The following CDC42BPA variants were observed in gnomAD, a reference collection of about 807,000 sequenced individuals.
The protein encoded by CDC42BPA is serine/threonine-protein kinase MRCK alpha.
A neutral mutation model predicts 223.5 loss-of-function variants in CDC42BPA; 80 were observed. That is an observed-to-expected ratio of 0.36 (90% CI 0.30 to 0.43). The LOEUF (loss-of-function observed/expected upper bound fraction) is 0.43, where lower values mean the gene tolerates loss of function less well. CDC42BPA is among the 20% of genes least tolerant of loss of function. CDC42BPA has a pLI of 1.00. For missense variants in CDC42BPA, 1,743 were observed against 2,099.9 expected (o/e 0.83, Z 3.32); for synonymous variants, 694 against 718.6 (o/e 0.97, Z 0.55).
rs547245325 is a variant in CDC42BPA at position 227,096,001 on chromosome 1, A to G, written c.2250-4010T>C. Among the ~76,000 whole-genome samples the G allele has an allele frequency of 9.2e-5, 14 of 152,342 alleles. No individual in the cohort carries two copies. In the South Asian group the frequency reaches 2.9e-3, roughly 32 times the overall value. On this transcript the variant is annotated intron_variant, in intron 15 of 36. Coordinates refer to ENST00000366766, the MANE Select transcript of CDC42BPA (RefSeq NM_001394014.1). ...CAATAAATGAAATTCCATGTGGATC[A>G]GTTCTGGGTAATTTTATATGATTGC...
intron 1 of CDC42BPA, among the ~76,000 whole-genome samples, chr1:227,280,347 C>T (rs950920715): frequency 6.6e-6 from 1 of 152,052 alleles, no homozygotes; most frequent in African/African-American, 2.4e-5. Flanking sequence ...CTCAAACAGT[C>T]CCTTTTGTTT....
In CDC42BPA at chr1:227,101,194, G is replaced by C. The variant is rs1249962663; in HGVS notation, c.2047C>G (p.Gln683Glu). The C allele has an allele frequency of 2.5e-6, 4 of 1,603,718 alleles. No homozygotes were observed. The Admixed American group carries it at 5.0e-5, about 20-fold the overall frequency. Residue 683 changes from glutamine (Q) to glutamate (E), a missense_variant, in exon 15 of 37, where the codon CAG becomes GAG. Physicochemically the swap from Gln to Glu is conservative, Grantham distance 29. This residue lies in a region of CDC42BPA where 464 missense variants were observed against 488.0 expected (regional missense o/e 0.95). Coordinates refer to ENST00000366766, the MANE Select transcript of CDC42BPA (RefSeq NM_001394014.1). ...GTCTTTAGTTTGGTTATCTCTTGCT[G>C]ATGTTCTATGCTGCATACTCCTGGT... ...YSPGVCSIEHQQEITKLKTDL... is the reference protein window; with the variant it reads ...YSPGVCSIEHEQEITKLKTDL...
chr1:227,122,941 TAC>T (rs1688914264), intron 11 of CDC42BPA, among the ~76,000 whole-genome samples: 2 of 152,182 alleles, frequency 1.3e-5, no homozygotes, highest in Admixed American at 6.5e-5. Flanking sequence ...CTATTATAAA[TAC>T]CCAACACAAT....
intron 21 of CDC42BPA, chr1:227,068,411 A>T (rs1677549984): frequency 6.3e-6 from 1 of 159,388 alleles, no homozygotes; most frequent in African/African-American, 2.4e-5. Context: ...ATTCTTACAA[A>T]GACTGAAAAT....
At chr1:227,067,748 T>C (rs1677395796) in intron 21 of CDC42BPA, among the ~76,000 whole-genome samples, 1 of 152,146 alleles carries the variant, frequency 6.6e-6, no homozygotes, top group Admixed American at 6.5e-5. Flanking sequence ...AGAAGTTCCT[T>C]TAGCAGAACA....
At chr1:227,021,837 G>A (rs1197573632) in intron 32 of CDC42BPA, among the ~76,000 whole-genome samples, 1 of 152,004 alleles carries the variant, frequency 6.6e-6, no homozygotes, top group Non-Finnish European at 1.5e-5. Context: ...GGCCAACATG[G>A]TGAAACCCCG....
At chr1:227,092,784 C>T (rs1034865092) in intron 15 of CDC42BPA, among the ~76,000 whole-genome samples, 2 of 152,126 alleles carry the variant, frequency 1.3e-5, no homozygotes, top group African/African-American at 4.8e-5. Flanking sequence ...CCCAGATTCC[C>T]CAATTGTAAA....
At chr1:227,177,893 T>C (rs927285457) in intron 5 of CDC42BPA, among the ~76,000 whole-genome samples, 2 of 152,198 alleles carry the variant, frequency 1.3e-5, no homozygotes, top group Admixed American at 6.5e-5. Flanking sequence ...TGAATTTGAA[T>C]ATACTTTATT....
At chr1:227,129,298 TA>T (rs1656495444) in intron 10 of CDC42BPA, 67 bp from the exon 11 acceptor site, 3 of 1,149,196 alleles carry the variant, frequency 2.6e-6, no homozygotes, top group South Asian at 3.0e-5. Context: ...CTAATAACAT[TA>T]TTTTTTTGGA....
At chr1:227,204,520 G>A (rs756491893) in intron 3 of CDC42BPA, among the ~76,000 whole-genome samples, 1 of 152,108 alleles carries the variant, frequency 6.6e-6, no homozygotes, top group African/African-American at 2.4e-5. Context: ...GTTTAATTTA[G>A]GGAGTGGATA....
intron 21 of CDC42BPA, among the ~76,000 whole-genome samples, chr1:227,067,253 C>A (rs1161008018): frequency 6.6e-6 from 1 of 152,052 alleles, no homozygotes; most frequent in Admixed American, 6.5e-5. Context: ...CCTGTGAGAG[C>A]AGAAACAAGC....
intron 17 of CDC42BPA, among the ~76,000 whole-genome samples, chr1:227,075,986 C>T (rs1361235358): frequency 1.3e-5 from 2 of 152,134 alleles, no homozygotes; most frequent in Non-Finnish European, 2.9e-5. Flanking sequence ...TTTTTATTTA[C>T]ATGTTGAACA....
chr1:227,046,861 A>G lies in CDC42BPA; in HGVS notation c.3093+1066T>C, dbSNP rs532476492. Among the ~76,000 whole-genome samples the G allele has an allele frequency of 2.6e-5, 4 of 152,076 alleles. No homozygotes were observed. In the South Asian group the frequency reaches 8.3e-4, roughly 32 times the overall value. On this transcript the variant is annotated intron_variant, in intron 23 of 36. Coordinates refer to ENST00000366766, the MANE Select transcript of CDC42BPA (RefSeq NM_001394014.1). ...AAATCCTTAAAAATCTTTCACTTGT[A>G]CTTTCCTTGGGTATCTTAAATGTGT...
chr1:227,100,771 T>TGTGTGTGTGTGTGC (rs1684896431), intron 15 of CDC42BPA, among the ~76,000 whole-genome samples: 2 of 130,868 alleles, frequency 1.5e-5, no homozygotes, highest in East Asian at 6.9e-4. Context: ...TGTGTGTGTG[T>TGTGTGTGTGTGTGC]GTGTGTGCGT....
At chr1:227,132,573 C>T (rs1657397785) in intron 10 of CDC42BPA, among the ~76,000 whole-genome samples, 2 of 146,842 alleles carry the variant, frequency 1.4e-5, no homozygotes, top group South Asian at 2.1e-4. Flanking sequence ...AAGTGAGGAG[C>T]GTCTCTGCCT....
chr1:227,016,366 T>C (rs1666255936), intron 33 of CDC42BPA, among the ~76,000 whole-genome samples, 169 bp from the exon 34 acceptor site: 1 of 152,216 alleles, frequency 6.6e-6, no homozygotes, highest in Non-Finnish European at 1.5e-5. Flanking sequence ...TTAGAATATT[T>C]TGTTTTAAAT....
intron 10 of CDC42BPA, among the ~76,000 whole-genome samples, chr1:227,132,212 A>G (rs3106473): frequency 0.83 from 125,583 of 151,268 alleles, 52,183 homozygotes; most frequent in East Asian, 0.88. Context: ...GAGTACTGCT[A>G]CCATCTCGGC....
At chr1:227,259,360 T>G (rs1513618) in intron 1 of CDC42BPA, among the ~76,000 whole-genome samples, 43,484 of 150,594 alleles carry the variant, frequency 0.29, 7,005 homozygotes, top group East Asian at 0.37. Flanking sequence ...CTACTATGAC[T>G]CTAAAAGCAA....
At chr1:227,208,176 G>C (rs1673163455) in intron 3 of CDC42BPA, among the ~76,000 whole-genome samples, 3 of 149,116 alleles carry the variant, frequency 2.0e-5, no homozygotes, top group Admixed American at 1.3e-4. Context: ...TTTGAGAAGT[G>C]TCTGTTCATG....
Sources: gnomAD v4.1 joint callset for allele counts (sites outside exome capture counted in the v4.1 genomes callset) on GRCh38, gnomAD v4.1.1 for gene constraint, gnomAD v4.1.1 regional missense constraint, MANE v1.5 for transcripts, NCBI Gene and HGNC (gene_info 2026-07-23, HGNC 2026-07-21) for gene names.